Variants in ARID3A observed in about 807,000 individuals in gnomAD.
ARID3A encodes AT-rich interaction domain 3A.
A neutral mutation model predicts 52.7 loss-of-function variants in ARID3A; 11 were observed. The ratio of observed to expected loss-of-function variants is 0.21; its 90% CI spans 0.13 to 0.35. ARID3A has a LOEUF of 0.35. ARID3A is among the 10% of genes least tolerant of loss of function. The probability of loss-of-function intolerance (pLI) is 1.00; values close to 1 mark genes in which losing one functional copy is unlikely to be tolerated. For missense variants in ARID3A, 721 were observed against 838.5 expected, an observed-to-expected ratio of 0.86 and a Z score of 1.73; for synonymous variants, 404 against 359.4, an observed-to-expected ratio of 1.12 and a Z score of -1.40.
intron 3 of ARID3A, among the ~76,000 whole-genome samples, chr19:954,620 G>A (rs1020891051): frequency 1.8e-4 from 27 of 152,218 alleles, no homozygotes; most frequent in African/African-American, 5.3e-4. Context: ...TCCAAGGGGG[G>A]CCGTGAGCCA....
In ARID3A at chr19:974,096, T is replaced by TC; in HGVS notation, c.*2037dup. The TC allele has an allele frequency of 4.4e-6, 1 of 225,404 alleles. No individual in the cohort carries two copies. Among genetic ancestry groups the TC allele is most frequent in the Non-Finnish European group, 8.8e-6 (1 of 113,272 alleles). 14.0% of individuals were successfully genotyped at this position (225,404 alleles called of 1,614,324 possible). ...TTGGTGAGGAAGGGGACTCCCCAGC[T>TC]CCCCCCACTCCCAACCACCTCCCCA... is the stretch of plus-strand genomic sequence containing the variant. On this transcript the variant is annotated 3_prime_UTR_variant, in exon 9 of 9. Coordinates refer to ENST00000263620, the MANE Select transcript of ARID3A (RefSeq NM_005224.3).
At chr19:961,154 A>T (rs543300066) in intron 4 of ARID3A, among the ~76,000 whole-genome samples, 1 of 152,118 alleles carries the variant, frequency 6.6e-6, no homozygotes, top group Non-Finnish European at 1.5e-5. Context: ...CTTGGGGCCC[A>T]CAGAGGTCGG....
At position 932,573 on chromosome 19, in the gene ARID3A, G is replaced by A. The variant is rs1216637592; in HGVS notation, c.524G>A (p.Arg175Gln). The change falls in exon 3 of 9, where the codon CGA becomes CAA. Residue 175 changes from arginine to glutamine, a missense_variant. This residue lies in a region of ARID3A where 349 missense variants were observed against 297.3 expected (regional missense o/e 1.17). Coordinates refer to ENST00000263620, the MANE Select transcript of ARID3A (RefSeq NM_005224.3). Reference protein sequence around the residue: ...ASLGTTALFPRKAQPPQAFRG... With the variant: ...ASLGTTALFPQKAQPPQAFRG... ...TTGGGCACCACGGCACTGTTCCCCC[G>A]AAAGGCCCAGCCACCCCAGGCCTTC... 5 of 1,503,588 alleles carry A rather than the reference G, an allele frequency of 3.3e-6. No homozygotes were observed. Among genetic ancestry groups the A allele is most frequent in the Non-Finnish European group, 4.4e-6 (5 of 1,129,258 alleles). 93.1% of individuals were successfully genotyped at this position (1,503,588 alleles called of 1,614,324 possible).
chr19:927,266 T>C (rs979658046), intron 1 of ARID3A, among the ~76,000 whole-genome samples: 2 of 151,778 alleles, frequency 1.3e-5, no homozygotes, highest in Admixed American at 1.3e-4. Context: ...AGCCTCTCCC[T>C]TGGGGCTGTC....
chr19:947,129 T>TGCCCCCCATTGCTGGGC lies in ARID3A; in HGVS notation c.694-12962_694-12946dup, dbSNP rs1181412305. On this transcript the variant is annotated intron_variant, in intron 3 of 8. Transcript: ENST00000263620. This position sits in a 1 kb window ranked among gnomAD's most constrained non-coding sequence, Gnocchi z 6.3. ...ATTCTGCATTGAAATGTTTGCTGGG[T>TGCCCCCCATTGCTGGGC]GCCCCCCATTGCTGGGCACCGTGGG... Among the ~76,000 whole-genome samples the TGCCCCCCATTGCTGGGC allele has an allele frequency of 2.0e-4, 31 of 152,178 alleles. No homozygotes were observed. Among genetic ancestry groups the TGCCCCCCATTGCTGGGC allele is most frequent in the African/African-American group, 5.8e-4 (24 of 41,510 alleles).
chr19:959,141 G>T lies in ARID3A; in HGVS notation c.694-951G>T, dbSNP rs1466067673. Among the ~76,000 whole-genome samples the T allele has an allele frequency of 6.6e-6, 1 of 152,224 alleles. No homozygotes were observed. Among genetic ancestry groups the T allele is most frequent in the Non-Finnish European group, 1.5e-5 (1 of 68,042 alleles). Reference sequence around the variant, plus strand: ...ACAGACATTTATCAGGACGCATCCTGCACGAAGACAGAGGCAGAGGCTGGA... The same window carrying T: ...ACAGACATTTATCAGGACGCATCCTTCACGAAGACAGAGGCAGAGGCTGGA... On this transcript the variant is annotated intron_variant, in intron 3 of 8. Transcript: ENST00000263620. The surrounding 1 kb of genome is among the most constrained non-coding windows in gnomAD (Gnocchi z 5.0).
At chr19:970,080 T>C (rs540652832) in intron 8 of ARID3A, among the ~76,000 whole-genome samples, 15 of 152,190 alleles carry the variant, frequency 9.9e-5, no homozygotes, top group African/African-American at 3.4e-4. Context: ...TTTGGGAGGC[T>C]GATGTGGGTG....
chr19:944,368 C>T lies in ARID3A; in HGVS notation c.693+11626C>T, dbSNP rs891902304. On this transcript the variant is annotated intron_variant, in intron 3 of 8. Transcript: ENST00000263620. The surrounding 1 kb of genome is among the most constrained non-coding windows in gnomAD (Gnocchi z 5.9). ...TGTGTGTCTGCGTGGGAGTGTCTGG[C>T]TGTGTGGCTGCACGGAGGCCTGTCT... 6.6e-6 allele frequency among the ~76,000 whole-genome samples: 1 copy of T among 151,310 alleles called. No individual in the cohort carries two copies. Among genetic ancestry groups the T allele is most frequent in the Non-Finnish European group, 1.5e-5 (1 of 67,924 alleles).
In ARID3A at chr19:941,078, G is replaced by C. The variant is rs1229217616; in HGVS notation, c.693+8336G>C. 6.6e-6 allele frequency among the ~76,000 whole-genome samples: 1 copy of C among 152,078 alleles called. No individual in the cohort carries two copies. Among genetic ancestry groups the C allele is most frequent in the African/African-American group, 2.4e-5 (1 of 41,446 alleles). ...CACCGCCGCCGCGGCCTGGCCCCAC[G>C]CCCACCGCCGGCGTCCCACCCTGGT... On this transcript the variant is annotated intron_variant, in intron 3 of 8. Transcript: ENST00000263620. The surrounding 1 kb of genome is among the most constrained non-coding windows in gnomAD (Gnocchi z 6.9).
intron 4 of ARID3A, chr19:962,058 G>A (rs562969334): frequency 9.2e-5 from 14 of 152,196 alleles, no homozygotes; most frequent in African/African-American, 2.4e-4. Flanking sequence ...AGGAGACAGC[G>A]AGCTCCTATG....
At position 964,824 on chromosome 19, in the gene ARID3A, C is replaced by T; in HGVS notation, c.951-9C>T. On this transcript the variant is annotated splice_polypyrimidine_tract_variant and intron_variant, in intron 5 of 8. Coordinates refer to ENST00000263620, the MANE Select transcript of ARID3A (RefSeq NM_005224.3). The surrounding 1 kb of genome is among the most constrained non-coding windows in gnomAD (Gnocchi z 5.7). ...CGGGTGCCATCCTCTTCCCTCGTCC[C>T]ACCCACAGATACATGAAGTACCTGT... 1 of 1,609,378 alleles carries T rather than the reference C, an allele frequency of 6.2e-7. No homozygotes were observed. The highest frequency in any genetic ancestry group is 8.5e-7 in the Non-Finnish European group (1 of 1,176,232).
intron 1 of ARID3A, among the ~76,000 whole-genome samples, chr19:926,410 TCAGGGGCGAG>T (rs1274151802): frequency 1.3e-5 from 2 of 150,768 alleles, no homozygotes; most frequent in Admixed American, 1.3e-4. Flanking sequence ...GATCAATCGC[TCAGGGGCGAG>T]CAGGGGCGAT....
At chr19:956,658 C>CG (rs2037924435) in intron 3 of ARID3A, 1 of 152,412 alleles carries the variant, frequency 6.6e-6, no homozygotes, top group Admixed American at 6.5e-5. Context: ...TGGCGCTGGC[C>CG]GGGTTGGGGC....
chr19:960,857 G>A lies in ARID3A; in HGVS notation c.766+693G>A, dbSNP rs1465496865. On this transcript the variant is annotated intron_variant, in intron 4 of 8. Coordinates refer to ENST00000263620, the MANE Select transcript of ARID3A (RefSeq NM_005224.3). This position sits in a 1 kb window ranked among gnomAD's most constrained non-coding sequence, Gnocchi z 4.3. ...CTCCTGGCCTAGAGAGGGCAGGTCTGGGCTGGTGTCCAGGTGGGGAAACTG... is the reference window on the plus strand; with the variant it reads ...CTCCTGGCCTAGAGAGGGCAGGTCTAGGCTGGTGTCCAGGTGGGGAAACTG... Among the ~76,000 whole-genome samples, 1 of 152,156 alleles carries A rather than the reference G, an allele frequency of 6.6e-6. No homozygotes were observed. The highest frequency in any genetic ancestry group is 6.5e-5 in the Admixed American group (1 of 15,284).
rs1383816619 is a variant in ARID3A at position 975,084 on chromosome 19, C to T, written c.*3019C>T. ...GTGCCCATCTCCTGCCACCGCCTGT[C>T]GGTGGGGGTTTAAATTCGGTGTGGC... On this transcript the variant is annotated 3_prime_UTR_variant, in exon 9 of 9. Transcript: ENST00000263620. 8 of 231,758 alleles carry T rather than the reference C, an allele frequency of 3.5e-5. No homozygotes were observed. The highest frequency in any genetic ancestry group is 1.3e-4 in the African/African-American group (6 of 45,226). The allele number at this position is 231,758 out of a possible 1,614,324, so 14.4% of individuals were successfully genotyped here.
Position 959,172 on chromosome 19 carries a change from G to A in ARID3A, c.694-920G>A, listed in dbSNP as rs1011697822. Among the ~76,000 whole-genome samples the A allele has an allele frequency of 6.6e-6, 1 of 152,234 alleles. No homozygotes were observed. The highest frequency in any genetic ancestry group is 1.5e-5 in the Non-Finnish European group (1 of 68,042). The stretch of plus-strand genomic sequence containing the variant: ...AGACAGAGGCAGAGGCTGGAGCGAC[G>A]CGGCCACAAGCCCAGGAACCTGGAG... On this transcript the variant is annotated intron_variant, in intron 3 of 8. Coordinates refer to ENST00000263620, the MANE Select transcript of ARID3A (RefSeq NM_005224.3). The surrounding 1 kb of genome is among the most constrained non-coding windows in gnomAD (Gnocchi z 5.0).
In ARID3A at chr19:973,508, G is replaced by A. The variant is rs1399857555; in HGVS notation, c.*1443G>A. 4.6e-6 allele frequency: 1 copy of A among 219,208 alleles called. No individual in the cohort carries two copies. Among genetic ancestry groups the A allele is most frequent in the Non-Finnish European group, 9.2e-6 (1 of 109,188 alleles). The allele number at this position is 219,208 out of a possible 1,614,324, so 13.6% of individuals were successfully genotyped here. A position where few individuals can be genotyped will look rare whatever the true frequency, so the allele number is the denominator to read the frequency against. ...TCGAAGCCCCCAGGCTCCTGTCTCA[G>A]GGATGAATGTGGCGTCTCATTGGGA... On this transcript the variant is annotated 3_prime_UTR_variant, in exon 9 of 9. Coordinates refer to ENST00000263620, the MANE Select transcript of ARID3A (RefSeq NM_005224.3).
chr19:945,418 T>G (rs974375798), intron 3 of ARID3A, among the ~76,000 whole-genome samples: 1 of 151,764 alleles, frequency 6.6e-6, no homozygotes, highest in African/African-American at 2.4e-5. Context: ...CTCCGTCTGC[T>G]CCCTAGCGGG....
intron 3 of ARID3A, among the ~76,000 whole-genome samples, chr19:935,080 C>T (rs2037411609): frequency 6.6e-6 from 1 of 152,240 alleles, no homozygotes; most frequent in Non-Finnish European, 1.5e-5. Context: ...GACTCTGGCG[C>T]CTGCCCCACC....
Sources: gnomAD v4.1 joint callset for allele counts (sites outside exome capture counted in the v4.1 genomes callset) on GRCh38, gnomAD v4.1.1 for gene constraint, gnomAD v4.1.1 regional missense constraint, Gnocchi (gnomAD v3.1) non-coding constraint, MANE v1.5 for transcripts, NCBI Gene and HGNC (gene_info 2026-07-23, HGNC 2026-07-21) for gene names.